Variants in PTPRD observed in about 807,000 individuals in gnomAD.
PTPRD encodes the protein receptor-type tyrosine-protein phosphatase delta.
In PTPRD, 34 loss-of-function variants were observed where a neutral mutation model predicts 214.5. That is an observed-to-expected ratio of 0.16 (90% CI 0.12 to 0.21). The LOEUF is 0.21. PTPRD is among the 10% of genes least tolerant of loss of function. The pLI is 1.00. For synonymous variants in PTPRD, 1,128 were observed against 845.7 expected (o/e 1.33, Z -5.79); for missense variants, 2,545 against 2,398.7 (o/e 1.06, Z -1.27).
At chr9:9,552,314 T>C (rs2154283093) in intron 8 of PTPRD, among the ~76,000 whole-genome samples, 1 of 152,142 alleles carries the variant, frequency 6.6e-6, no homozygotes, top group East Asian at 1.9e-4. Context: ...GTCATTGTTT[T>C]TGCTTTTGTT....
chr9:9,304,209 G>A (rs1956371633), intron 9 of PTPRD, among the ~76,000 whole-genome samples: 3 of 152,080 alleles, frequency 2.0e-5, no homozygotes, highest in African/African-American at 7.2e-5. Context: ...CATAATTGGT[G>A]ACATATAGTA....
Position 9,991,727 on chromosome 9 carries a change from G to A in PTPRD, c.-472+41991C>T, listed in dbSNP as rs540550334. On this transcript the variant is annotated intron_variant, in intron 4 of 45. Coordinates refer to ENST00000381196, the MANE Select transcript of PTPRD (RefSeq NM_002839.4). The stretch of plus-strand genomic sequence containing the variant: ...TAGAGAAAGAAAAGATAGGGATGAT[G>A]TATATACCAAAGGTCTCATATTCAC... 8.6e-4 allele frequency among the ~76,000 whole-genome samples: 130 copies of A among 152,022 alleles called. 1 individual carries two copies. The highest frequency in any genetic ancestry group is 1.7e-3 in the Non-Finnish European group (117 of 68,014).
intron 5 of PTPRD, among the ~76,000 whole-genome samples, chr9:9,806,761 G>A (rs972277081): frequency 2.6e-5 from 4 of 152,092 alleles, no homozygotes; most frequent in Non-Finnish European, 5.9e-5. Flanking sequence ...GGAGTTGAGC[G>A]AGTGGGCTCA....
chr9:9,040,142 G>T (rs1313773423), intron 10 of PTPRD, among the ~76,000 whole-genome samples: 1 of 152,182 alleles, frequency 6.6e-6, no homozygotes, highest in Non-Finnish European at 1.5e-5. Flanking sequence ...ACAAGCCCAT[G>T]CAAGGGGAAA....
At chr9:10,533,465 C>A (rs965090060) in intron 2 of PTPRD, among the ~76,000 whole-genome samples, 1 of 152,010 alleles carries the variant, frequency 6.6e-6, no homozygotes, top group Non-Finnish European at 1.5e-5. Context: ...TGGGTATATA[C>A]ACTCAGCTGT....
intron 9 of PTPRD, among the ~76,000 whole-genome samples, chr9:9,208,389 G>C (rs1474358544): frequency 6.6e-6 from 1 of 151,860 alleles, no homozygotes; most frequent in Non-Finnish European, 1.5e-5. Flanking sequence ...TTTCTAAAGA[G>C]AGGTGAGGGT....
chr9:8,983,512 C>T (rs2099324398), intron 11 of PTPRD, among the ~76,000 whole-genome samples: 1 of 151,068 alleles, frequency 6.6e-6, no homozygotes, highest in Non-Finnish European at 1.5e-5. Flanking sequence ...CATTTTCTTC[C>T]CCCTCCCCCC....
intron 3 of PTPRD, among the ~76,000 whole-genome samples, chr9:10,282,958 T>C (rs2154395305): frequency 6.6e-6 from 1 of 152,258 alleles, no homozygotes; most frequent in Non-Finnish European, 1.5e-5. Context: ...TCAAACTCAA[T>C]TTGTTCATAA....
intron 5 of PTPRD, among the ~76,000 whole-genome samples, chr9:9,913,582 G>T (rs143845140): frequency 5.9e-5 from 9 of 152,094 alleles, no homozygotes; most frequent in Admixed American, 5.9e-4. Flanking sequence ...GCAGCACAGA[G>T]GCACCCAGAA....
intron 9 of PTPRD, among the ~76,000 whole-genome samples, chr9:9,382,537 C>G (rs1463523931): frequency 6.6e-6 from 1 of 151,902 alleles, no homozygotes. Context: ...GACATTTCCC[C>G]AAAGACAACA....
At position 8,825,156 on chromosome 9, in the gene PTPRD, T is replaced by C. The variant is rs145522855; in HGVS notation, c.-103-91210A>G. Among the ~76,000 whole-genome samples the C allele has an allele frequency of 1.4e-4, 21 of 152,284 alleles. No homozygotes were observed. In the East Asian group the frequency reaches 4.1e-3, roughly 29 times the overall value. On this transcript the variant is annotated intron_variant, in intron 11 of 45. Transcript: ENST00000381196. The stretch of plus-strand genomic sequence containing the variant: ...TTTGAGGTCCCAAGATAACTTGTGG[T>C]TTCTGGACCTGTTAGAAAGTGATAT...
intron 7 of PTPRD, among the ~76,000 whole-genome samples, chr9:9,599,828 A>T (rs2093623318): frequency 1.3e-5 from 2 of 152,082 alleles, no homozygotes; most frequent in Admixed American, 1.3e-4. Context: ...ATGCTATTAA[A>T]TATCTAGTTA....
intron 14 of PTPRD, among the ~76,000 whole-genome samples, chr9:8,582,078 G>C (rs1166327712): frequency 6.6e-6 from 1 of 152,072 alleles, no homozygotes; most frequent in Non-Finnish European, 1.5e-5. Context: ...TATTGGAAGT[G>C]ACAAAGATTT....
chr9:9,675,906 T>G (rs1395145398), intron 7 of PTPRD, among the ~76,000 whole-genome samples: 1 of 152,078 alleles, frequency 6.6e-6, no homozygotes, highest in Admixed American at 6.6e-5. Flanking sequence ...GCATCATTGA[T>G]GTAAAAATTC....
chr9:9,938,878 C>A (rs538328659), intron 4 of PTPRD, among the ~76,000 whole-genome samples: 1 of 152,206 alleles, frequency 6.6e-6, no homozygotes, highest in South Asian at 2.1e-4. Flanking sequence ...TCATTCCTAT[C>A]CATTTGGTAT....
chr9:8,718,384 T>C (rs1039943499), intron 12 of PTPRD, among the ~76,000 whole-genome samples: 3 of 152,178 alleles, frequency 2.0e-5, no homozygotes, highest in Non-Finnish European at 4.4e-5. Flanking sequence ...TCCCTCTCAC[T>C]CCAAATCACA....
intron 2 of PTPRD, among the ~76,000 whole-genome samples, chr9:10,585,861 T>G (rs187310545): frequency 8.3e-4 from 126 of 152,158 alleles, no homozygotes; most frequent in African/African-American, 2.9e-3. Context: ...AAAAATAACC[T>G]ATTTTACACA....
chr9:9,467,357 G>T (rs1234076069), intron 8 of PTPRD, among the ~76,000 whole-genome samples: 16 of 150,794 alleles, frequency 1.1e-4, no homozygotes, highest in Admixed American at 9.9e-4. Context: ...GGAGGCCAAG[G>T]CTGATGGATC....
At chr9:9,517,694 AC>A (rs1019293623) in intron 8 of PTPRD, among the ~76,000 whole-genome samples, 6 of 152,078 alleles carry the variant, frequency 3.9e-5, no homozygotes, top group African/African-American at 1.2e-4. Context: ...TCATTGAAAA[AC>A]ATCATTATTT....
Sources: allele counts gnomAD v4.1 joint callset (sites outside exome capture counted in the v4.1 genomes callset), GRCh38; gene constraint gnomAD v4.1.1; transcripts MANE v1.5; gene names NCBI Gene and HGNC (gene_info 2026-07-23, HGNC 2026-07-21).